COX10: variants seen among roughly 807,000 people sequenced by gnomAD.
COX10 encodes the protein cytochrome c oxidase assembly factor heme A:farnesyltransferase COX10, also known as protoheme IX farnesyltransferase, mitochondrial.
A neutral mutation model predicts 37.3 loss-of-function variants in COX10; 27 were observed. The ratio of observed to expected loss-of-function variants is 0.72; its 90% CI spans 0.53 to 1.00. COX10 has a LOEUF of 1.00. Ranked by LOEUF, COX10 falls within the 50% of genes least tolerant of loss-of-function variation. The pLI is 0.00. For synonymous variants in COX10, 222 were observed against 229.1 expected (o/e 0.97, Z 0.28); for missense variants, 475 against 563.2 (o/e 0.84, Z 1.59).
At chr17:14,167,073 G>C (rs1210484705) in intron 5 of COX10, among the ~76,000 whole-genome samples, 2 of 152,250 alleles carry the variant, frequency 1.3e-5, no homozygotes, top group South Asian at 2.1e-4. Context: ...CAGGGAGGAG[G>C]TTAAAATGTC....
rs1915799463 is a variant in COX10 at position 14,102,224 on chromosome 17, T to C, written c.606T>C (p.Ala202=). The change falls in exon 4 of 7, where the codon GCT becomes GCC. Residue 202 remains alanine (A), a synonymous_variant. Transcript: ENST00000261643. The stretch of plus-strand genomic sequence containing the variant: ...TTGGGACAGGCCTTGCATCCTGTGC[T>C]GCCAACTCCATCAATCAGGTCAGTT... ...TSVGTGLASC[A]ANSINQFFEV... 1 of 1,613,624 alleles carries C rather than the reference T, an allele frequency of 6.2e-7. No homozygotes were observed. Among genetic ancestry groups the C allele is most frequent in the African/African-American group, 1.3e-5 (1 of 74,880 alleles).
intron 4 of COX10, among the ~76,000 whole-genome samples, chr17:14,117,848 A>G (rs193252374): frequency 6.6e-6 from 1 of 152,266 alleles, no homozygotes; most frequent in East Asian, 1.9e-4. Flanking sequence ...AGTATACCAG[A>G]AAAATTGGAT....
chr17:14,091,190 C>T (rs1021064199), intron 3 of COX10, among the ~76,000 whole-genome samples: 2 of 152,070 alleles, frequency 1.3e-5, no homozygotes, highest in East Asian at 1.9e-4. Context: ...GTCTGTTACG[C>T]GATTTTGTAT....
intron 4 of COX10, among the ~76,000 whole-genome samples, chr17:14,112,943 G>A (rs546719510): frequency 8.1e-4 from 124 of 152,286 alleles, no homozygotes; most frequent in Middle Eastern, 3.4e-3. Flanking sequence ...AAAGCAACCA[G>A]ACTTACCCTG....
chr17:14,098,182 C>T (rs777628215), intron 3 of COX10, among the ~76,000 whole-genome samples: 7 of 152,138 alleles, frequency 4.6e-5, no homozygotes, highest in Admixed American at 1.3e-4. Flanking sequence ...AACAACGCTA[C>T]GTTTGTGTTC....
rs151153600 is a variant in COX10 at position 14,149,899 on chromosome 17, C to G, written c.625-9978C>G. Among the ~76,000 whole-genome samples, 572 of 152,010 alleles carry G rather than the reference C, an allele frequency of 3.8e-3. 16 individuals are homozygous for G. Among genetic ancestry groups the G allele is most frequent in the Admixed American group, 0.032 (489 of 15,238 alleles). On this transcript the variant is annotated intron_variant, in intron 4 of 6. Coordinates refer to ENST00000261643, the MANE Select transcript of COX10 (RefSeq NM_001303.4). ...AGTACTATAACAGATCACAGGATTG[C>G]CAGAGAGCAATAAATGTGAGGGAGG... is the stretch of plus-strand genomic sequence containing the variant.
chr17:14,188,871 T>C (rs1251206451), intron 5 of COX10, among the ~76,000 whole-genome samples: 1 of 148,986 alleles, frequency 6.7e-6, no homozygotes, highest in Non-Finnish European at 1.5e-5. Flanking sequence ...AAGTAGATGT[T>C]ATTGTTCTTT....
intron 4 of COX10, among the ~76,000 whole-genome samples, chr17:14,155,403 G>C (rs1008294306): frequency 4.0e-5 from 6 of 151,538 alleles, no homozygotes; most frequent in African/African-American, 1.5e-4. Context: ...GGCTGCACAC[G>C]TAGTGGTTTT....
chr17:14,106,549 A>G (rs1860084), intron 4 of COX10, among the ~76,000 whole-genome samples: 19,386 of 152,272 alleles, frequency 0.13, 1,596 homozygotes, highest in Non-Finnish European at 0.18. Flanking sequence ...AAAATTAAGA[A>G]AAACTACTTC....
At chr17:14,153,883 C>T (rs1355735401) in intron 4 of COX10, among the ~76,000 whole-genome samples, 1 of 152,092 alleles carries the variant, frequency 6.6e-6, no homozygotes, top group African/African-American at 2.4e-5. Context: ...ACCAAATATC[C>T]ATCAGCAAGT....
At chr17:14,091,260 A>G (rs1189182152) in intron 3 of COX10, among the ~76,000 whole-genome samples, 2 of 152,194 alleles carry the variant, frequency 1.3e-5, no homozygotes, top group African/African-American at 4.8e-5. Context: ...AGTTCATCAA[A>G]TTTGTGAAAA....
intron 2 of COX10, 126 bp downstream of exon 2, chr17:14,074,582 C>A (rs1222619573): frequency 4.4e-6 from 4 of 912,886 alleles, no homozygotes; most frequent in Non-Finnish European, 7.1e-6. Flanking sequence ...TATTTAGTGT[C>A]CTTAAATTTA....
intron 4 of COX10, among the ~76,000 whole-genome samples, chr17:14,121,451 CA>C (rs1916227281): frequency 6.6e-6 from 1 of 152,180 alleles, no homozygotes; most frequent in Non-Finnish European, 1.5e-5. Context: ...ATGAAAATAT[CA>C]TGAGTTCTAA....
chr17:14,076,943 A>T lies in COX10; in HGVS notation c.386A>T (p.Asp129Val). ...IELEPDSVIE[D>V]SIDVGKETKE... ...CTAGAGCCAGACTCAGTAATTGAAG[A>T]CTCAATAGATGTAGGGAAAGAGACA... The change falls in exon 3 of 7, where the codon GAC becomes GTC. Residue 129 changes from aspartate to valine, a missense_variant. Physicochemically the swap from Asp to Val is radical, Grantham distance 152 (BLOSUM62 -3). Around this residue, in one of 5 missense-constraint regions of COX10, gnomAD observed 242 missense variants for 242.5 expected, o/e 1.00. Transcript: ENST00000261643. 1 of 1,614,204 alleles carries T rather than the reference A, an allele frequency of 6.2e-7. No homozygotes were observed. Among genetic ancestry groups the T allele is most frequent in the Non-Finnish European group, 8.5e-7 (1 of 1,180,040 alleles).
chr17:14,121,813 C>T (rs933610246), intron 4 of COX10, among the ~76,000 whole-genome samples: 10 of 152,078 alleles, frequency 6.6e-5, no homozygotes. Flanking sequence ...CTTGCAAAGG[C>T]AGTGGTGCAT....
chr17:14,154,896 C>T (rs559840905), intron 4 of COX10, among the ~76,000 whole-genome samples: 9 of 152,184 alleles, frequency 5.9e-5, no homozygotes, highest in Admixed American at 5.2e-4. Flanking sequence ...CGAGTGTGAC[C>T]AGGGGATACA....
chr17:14,095,452 A>T (rs1299622362), intron 3 of COX10, among the ~76,000 whole-genome samples: 2 of 152,018 alleles, frequency 1.3e-5, no homozygotes, highest in African/African-American at 4.8e-5. Flanking sequence ...TCCCTGAGTA[A>T]ATTTTCCTCC....
intron 4 of COX10, among the ~76,000 whole-genome samples, chr17:14,128,938 C>T (rs1235327979): frequency 6.6e-6 from 1 of 152,228 alleles, no homozygotes; most frequent in Non-Finnish European, 1.5e-5. Flanking sequence ...CCTCTGCCTC[C>T]TGGGTTCAAG....
chr17:14,077,774 A>G (rs1024446428), intron 3 of COX10, among the ~76,000 whole-genome samples: 1 of 152,212 alleles, frequency 6.6e-6, no homozygotes, highest in East Asian at 1.9e-4. Flanking sequence ...TTCTTCTTAA[A>G]TGAGAATAAA....
Sources: allele counts gnomAD v4.1 joint callset (sites outside exome capture counted in the v4.1 genomes callset), GRCh38; gene constraint gnomAD v4.1.1; regional missense constraint gnomAD v4.1.1; transcripts MANE v1.5; gene names NCBI Gene and HGNC (gene_info 2026-07-23, HGNC 2026-07-21).